NELFA: variants seen among roughly 807,000 people sequenced by gnomAD.
The protein encoded by NELFA is negative elongation factor complex member A.
NELFA carries 35 observed loss-of-function variants against 51.8 expected under a neutral mutation model. That is an observed-to-expected ratio of 0.68 (90% CI 0.52 to 0.90). The LOEUF (loss-of-function observed/expected upper bound fraction) is 0.90. Ranked by LOEUF, NELFA falls within the 40% of genes least tolerant of loss-of-function variation. The pLI is 0.00. For synonymous variants in NELFA, 417 were observed against 338.4 expected (o/e 1.23, Z -2.55); for missense variants, 658 against 746.4 (o/e 0.88, Z 1.38).
At position 2,001,997 on chromosome 4, in the gene NELFA, G is replaced by A. The variant is rs1408881388; in HGVS notation, c.210+6753C>T. Among the ~76,000 whole-genome samples the A allele has an allele frequency of 7.3e-5, 11 of 151,592 alleles. No homozygotes were observed. The South Asian group carries it at 1.9e-3, about 26-fold the overall frequency. ...GGACGGATCATGAGGTCAGGAGATC[G>A]AGACCATCCTGGCTAACACGGTGAA... On this transcript the variant is annotated intron_variant, in intron 1 of 10. Coordinates refer to ENST00000382882, the MANE Select transcript of NELFA (RefSeq NM_005663.5).
At chr4:2,007,982 G>C (rs893178598) in intron 1 of NELFA, 4 of 457,032 alleles carry the variant, frequency 8.8e-6, no homozygotes, top group South Asian at 3.1e-5. Context: ...CCACTTATTG[G>C]AATGACGCAA....
At position 1,989,930 on chromosome 4, in the gene NELFA, G is replaced by A; in HGVS notation, c.383-61C>T. 6.4e-7 allele frequency: 1 copy of A among 1,570,350 alleles called. No homozygotes were observed. The highest frequency in any genetic ancestry group is 8.6e-7 in the Non-Finnish European group (1 of 1,158,066). On this transcript the variant is annotated intron_variant, in intron 2 of 10. Coordinates refer to ENST00000382882, the MANE Select transcript of NELFA (RefSeq NM_005663.5). The surrounding 1 kb of genome is among the most constrained non-coding windows in gnomAD (Gnocchi z 4.8). ...AGGCCGCAGACCTCCCGGCTGAGAG[G>A]AGCTGGCGGCTGCCCAGCCCCACAC...
Position 2,008,965 on chromosome 4 carries a change from G to A in NELFA, c.-6C>T, listed in dbSNP as rs765641882. 7 of 1,553,474 alleles carry A rather than the reference G, an allele frequency of 4.5e-6. No homozygotes were observed. The African/African-American group carries it at 5.5e-5, about 12-fold the overall frequency. On this transcript the variant is annotated 5_prime_UTR_variant, in exon 1 of 11. Coordinates refer to ENST00000382882, the MANE Select transcript of NELFA (RefSeq NM_005663.5). ...CTCTCCCGCATGGACGCCATCTTGG[G>A]GGAAAGCGCGCGCCGCTGCCCCGGC...
chr4:1,992,549 G>A, intron 1 of NELFA: 1 of 358,126 alleles, frequency 2.8e-6, no homozygotes, highest in Admixed American at 3.3e-5. Flanking sequence ...AGCTGGGCTG[G>A]CTGGCGCTGG....
chr4:1,988,322 CT>C (rs1312940283), intron 3 of NELFA, among the ~76,000 whole-genome samples: 1 of 152,264 alleles, frequency 6.6e-6, no homozygotes, highest in Non-Finnish European at 1.5e-5. Flanking sequence ...GGGCCTCCCC[CT>C]GGCCCAGTGG....
rs188871747 is a variant in NELFA at position 1,998,536 on chromosome 4, G to A, written c.211-6821C>T. Among the ~76,000 whole-genome samples, 219 of 152,090 alleles carry A rather than the reference G, an allele frequency of 1.4e-3. 1 individual carries two copies. The highest frequency in any genetic ancestry group is 4.8e-3 in the African/African-American group (200 of 41,468). ...GTATTAACAGCCGAATCCACAAAGC[G>A]GAACAAAGGATATCAGAGTTTGAAC... On this transcript the variant is annotated intron_variant, in intron 1 of 10. Transcript: ENST00000382882.
Position 1,986,358 on chromosome 4 carries a change from T to G in NELFA, c.679A>C (p.Thr227Pro). ...GTGGGGCTGAAGACGCTGGGCGCCG[T>G]GGGGCTTCTGAAGGGCGCCTGCTTC... Reference protein sequence around the residue: ...IPKQAPFRSPTAPSVFSPTGN... With the variant: ...IPKQAPFRSPPAPSVFSPTGN... Residue 227 changes from threonine to proline, a missense_variant, in exon 5 of 11, where the codon ACG (threonine) becomes CCG (proline). Transcript: ENST00000382882. 6.2e-7 allele frequency: 1 copy of G among 1,608,590 alleles called. No homozygotes were observed. The highest frequency in any genetic ancestry group is 8.5e-7 in the Non-Finnish European group (1 of 1,177,884).
In NELFA at chr4:1,989,968, G is replaced by C; in HGVS notation, c.383-99C>G. On this transcript the variant is annotated intron_variant, in intron 2 of 10. Transcript: ENST00000382882. This position sits in a 1 kb window ranked among gnomAD's most constrained non-coding sequence, Gnocchi z 4.8. ...CCCAGCCCCACACCCTCCTCAGTTAGGGTTAGGTCATGGGAGCTTCGGCTG... is the reference window on the plus strand; with the variant it reads ...CCCAGCCCCACACCCTCCTCAGTTACGGTTAGGTCATGGGAGCTTCGGCTG... The C allele has an allele frequency of 6.9e-7, 1 of 1,447,474 alleles. No homozygotes were observed. Among genetic ancestry groups the C allele is most frequent in the East Asian group, 2.3e-5 (1 of 43,820 alleles). The allele number at this position is 1,447,474 out of a possible 1,614,324, so 89.7% of individuals were successfully genotyped here.
intron 4 of NELFA, 123 bp from the exon 5 acceptor site, chr4:1,986,525 C>A (rs759355175): frequency 1.4e-6 from 2 of 1,466,028 alleles, no homozygotes; most frequent in African/African-American, 1.4e-5. Flanking sequence ...AAACCCCTGG[C>A]GGGCAGCGGG....
intron 1 of NELFA, among the ~76,000 whole-genome samples, chr4:1,994,521 C>T (rs1281002127): frequency 6.6e-6 from 1 of 151,102 alleles, no homozygotes; most frequent in East Asian, 1.9e-4. Flanking sequence ...GCCAAGATGG[C>T]GCCACTGTAC....
At chr4:2,001,880 C>G (rs1318504941) in intron 1 of NELFA, among the ~76,000 whole-genome samples, 180 of 129,400 alleles carry the variant, frequency 1.4e-3, no homozygotes, top group Middle Eastern at 0.013. Context: ...TCCAGCCTGG[C>G]CGACAGAGCG....
chr4:1,991,811 G>A, intron 1 of NELFA, 96 bp from the exon 2 acceptor site: 1 of 1,330,460 alleles, frequency 7.5e-7, no homozygotes, highest in Non-Finnish European at 1.0e-6. Context: ...CAGTGGCCGG[G>A]CTCTCTGGCA....
intron 4 of NELFA, chr4:1,986,676 T>C: frequency 2.4e-6 from 1 of 422,732 alleles, no homozygotes; most frequent in Non-Finnish European, 4.4e-6. Context: ...CTCACCAGTG[T>C]GGCGGGGGCT....
intron 4 of NELFA, chr4:1,987,563 G>A (rs932433134): frequency 4.3e-6 from 1 of 232,776 alleles, no homozygotes; most frequent in East Asian, 8.7e-5. Context: ...TGGGAAGGCC[G>A]AGAGCCACCG....
rs751262886 is a variant in NELFA, at chr4:1,983,545, C to T, written c.1403-42G>A. On this transcript the variant is annotated intron_variant, in intron 10 of 10. Transcript: ENST00000382882. ...CTGCTGGGTGGGTGTCTGGGGGCAC[C>T]CGCCCCCAACCCGGCCCGGTGCACC... 13 of 1,611,254 alleles carry T rather than the reference C, an allele frequency of 8.1e-6. No homozygotes were observed. The Admixed American group carries it at 1.2e-4, about 14-fold the overall frequency.
At position 1,983,915 on chromosome 4, in the gene NELFA, A is replaced by C. The variant is rs761460931; in HGVS notation, c.1235T>G (p.Val412Gly). 1.2e-6 allele frequency: 2 copies of C among 1,606,936 alleles called. No homozygotes were observed. The highest frequency in any genetic ancestry group is 1.7e-5 in the Admixed American group (1 of 58,984). ...AVAPTTQTPP[V>G]AMVAPQTQAP... ...CTGGGTCTGCGGGGCCACCATGGCA[A>C]CCGGGGGTGTCTGAGTGGTAGGGGC... Residue 412 changes from valine (V) to glycine (G), a missense_variant, in exon 9 of 11, where the codon GTT becomes GGT. Physicochemically the swap from Val to Gly is moderately radical, Grantham distance 109 (BLOSUM62 -3). This residue lies in a region of NELFA where 200 missense variants were observed against 167.9 expected (regional missense o/e 1.19). Transcript: ENST00000382882.
intron 1 of NELFA, among the ~76,000 whole-genome samples, chr4:1,994,533 C>A (rs909530121): frequency 2.0e-5 from 3 of 151,428 alleles, no homozygotes; most frequent in African/African-American, 7.3e-5. Context: ...CCACTGTACT[C>A]CAGCCTGGGC....
At chr4:1,999,757 G>T (rs1274182025) in intron 1 of NELFA, among the ~76,000 whole-genome samples, 1 of 152,158 alleles carries the variant, frequency 6.6e-6, no homozygotes, top group Non-Finnish European at 1.5e-5. Context: ...GGATATTCAG[G>T]ATTTGAACTC....
chr4:2,000,407 AAAG>A (rs1225747030), intron 1 of NELFA, among the ~76,000 whole-genome samples: 1 of 152,130 alleles, frequency 6.6e-6, no homozygotes, highest in African/African-American at 2.4e-5. Flanking sequence ...CTAGACTAAT[AAAG>A]AAGAGAGAGA....
Sources: allele counts gnomAD v4.1 joint callset (sites outside exome capture counted in the v4.1 genomes callset), GRCh38; gene constraint gnomAD v4.1.1; regional missense constraint gnomAD v4.1.1; non-coding constraint Gnocchi (gnomAD v3.1); transcripts MANE v1.5; gene names NCBI Gene and HGNC (gene_info 2026-07-23, HGNC 2026-07-21).